The following GPC5 variants were observed in gnomAD, a reference collection of about 807,000 sequenced individuals.
GPC5 encodes the protein glypican 5, also known as glypican-5.
GPC5 carries 47 observed loss-of-function variants against 53.9 expected under a neutral mutation model. The ratio of observed to expected loss-of-function variants is 0.87; its 90% CI spans 0.69 to 1.11. The LOEUF (loss-of-function observed/expected upper bound fraction) is 1.11. Among genes scored for constraint, GPC5 ranks in the 50% most tolerant of loss-of-function variants. The pLI is 0.00. For synonymous variants in GPC5, 286 were observed against 263.3 expected, an observed-to-expected ratio of 1.09 and a Z score of -0.84; for missense variants, 748 against 713.1, an observed-to-expected ratio of 1.05 and a Z score of -0.56.
chr13:92,296,274 C>A (rs537175639), intron 7 of GPC5, among the ~76,000 whole-genome samples: 1 of 152,124 alleles, frequency 6.6e-6, no homozygotes, highest in South Asian at 2.1e-4. Context: ...TTCCAGAGAG[C>A]ATCAGCTGTG....
rs1199625795 is a variant in GPC5 at position 91,571,911 on chromosome 13, T to C, written c.326-121276T>C. On this transcript the variant is annotated intron_variant, in intron 2 of 7. Coordinates refer to ENST00000377067, the MANE Select transcript of GPC5 (RefSeq NM_004466.6). Reference sequence around the variant, plus strand: ...CGTGTGTATATACACATATTGTATATATACACATATTGTATATATACACAC... The same window carrying C: ...CGTGTGTATATACACATATTGTATACATACACATATTGTATATATACACAC... Among the ~76,000 whole-genome samples, 80 of 94,958 alleles carry C rather than the reference T, an allele frequency of 8.4e-4. 6 individuals carry two copies. Among genetic ancestry groups the C allele is most frequent in the South Asian group, 5.7e-3 (12 of 2,114 alleles). 62.3% of individuals were successfully genotyped at this position (94,958 alleles called of 152,430 possible).
intron 5 of GPC5, among the ~76,000 whole-genome samples, chr13:91,861,550 T>C (rs964141058): frequency 2.0e-5 from 3 of 152,014 alleles, no homozygotes; most frequent in African/African-American, 7.2e-5. Flanking sequence ...ATGCTTGTTG[T>C]GTATATGGTT....
In GPC5 at chr13:92,842,754, C is replaced by T. The variant is rs534502694; in HGVS notation, c.1562-23528C>T. On this transcript the variant is annotated intron_variant, in intron 7 of 7. Coordinates refer to ENST00000377067, the MANE Select transcript of GPC5 (RefSeq NM_004466.6). ...GCCAGGACTAAAACAATTAGAAAAA[C>T]AGAAATATATTCATCAGCAAAAACA... Among the ~76,000 whole-genome samples, 16 of 149,064 alleles carry T rather than the reference C, an allele frequency of 1.1e-4. No individual in the cohort carries two copies. In the South Asian group the frequency reaches 1.5e-3, roughly 14 times the overall value.
intron 7 of GPC5, among the ~76,000 whole-genome samples, chr13:92,834,928 A>T (rs1878173504): frequency 6.6e-6 from 1 of 152,138 alleles, no homozygotes; most frequent in Non-Finnish European, 1.5e-5. Context: ...TTAGATTTTT[A>T]AATCAACTGT....
intron 7 of GPC5, among the ~76,000 whole-genome samples, chr13:92,621,252 C>G (rs563199414): frequency 2.6e-5 from 4 of 152,228 alleles, no homozygotes; most frequent in Non-Finnish European, 5.9e-5. Flanking sequence ...CATGTGAGGT[C>G]CTGGGAAACC....
At chr13:91,633,591 T>G (rs2034214644) in intron 2 of GPC5, among the ~76,000 whole-genome samples, 1 of 152,052 alleles carries the variant, frequency 6.6e-6, no homozygotes, top group Non-Finnish European at 1.5e-5. Flanking sequence ...CAGGTTGGAG[T>G]TTCTGAAAAA....
intron 6 of GPC5, among the ~76,000 whole-genome samples, chr13:92,066,850 G>A (rs1288468802): frequency 1.3e-5 from 2 of 152,004 alleles, no homozygotes; most frequent in Non-Finnish European, 2.9e-5. Flanking sequence ...CTTGAGGTGA[G>A]AGGAGAGGAA....
At chr13:91,738,976 C>T (rs533752493) in intron 4 of GPC5, among the ~76,000 whole-genome samples, 1 of 151,372 alleles carries the variant, frequency 6.6e-6, no homozygotes, top group East Asian at 1.9e-4. Flanking sequence ...AATCTTTTTG[C>T]TTTAGCCTTA....
chr13:91,729,180 C>T (rs373587719), intron 4 of GPC5, among the ~76,000 whole-genome samples: 2 of 152,100 alleles, frequency 1.3e-5, no homozygotes, highest in South Asian at 4.1e-4. Context: ...ACATGAAATG[C>T]TAGAAATGGT....
intron 2 of GPC5, among the ~76,000 whole-genome samples, chr13:91,592,376 C>T (rs914259310): frequency 5.3e-5 from 8 of 152,124 alleles, no homozygotes; most frequent in African/African-American, 1.9e-4. Context: ...GGTCTGCTCC[C>T]GAGCCTTGTC....
At position 91,478,881 on chromosome 13, in the gene GPC5, T is replaced by TTATATATATATATATATATATACACA. The variant is rs71113743; in HGVS notation, c.325+29980_325+29981insACACATATATATATATATATATATAT. Among the ~76,000 whole-genome samples, 142 of 67,390 alleles carry TTATATATATATATATATATATACACA rather than the reference T, an allele frequency of 2.1e-3. 4 individuals are homozygous for TTATATATATATATATATATATACACA. The highest frequency in any genetic ancestry group is 9.1e-3 in the African/African-American group (138 of 15,150). 44.2% of individuals were successfully genotyped at this position (67,390 alleles called of 152,430 possible). ...ATATACACACACATATATATACACA[T>TTATATATATATATATATATATACACA]TATATATATATATATATATATGCAC... On this transcript the variant is annotated intron_variant, in intron 2 of 7. Transcript: ENST00000377067.
intron 2 of GPC5, among the ~76,000 whole-genome samples, chr13:91,561,211 T>C (rs1281353164): frequency 6.6e-6 from 1 of 152,148 alleles, no homozygotes; most frequent in Non-Finnish European, 1.5e-5. Context: ...TGATTATTTT[T>C]TTCAGTTGCT....
chr13:92,573,290 A>C (rs1262741902), intron 7 of GPC5, among the ~76,000 whole-genome samples: 1 of 152,212 alleles, frequency 6.6e-6, no homozygotes, highest in Non-Finnish European at 1.5e-5. Flanking sequence ...GTGAGCATTT[A>C]ATAGGTTCAT....
chr13:91,909,872 T>G (rs1262703817), intron 6 of GPC5, among the ~76,000 whole-genome samples: 1 of 152,130 alleles, frequency 6.6e-6, no homozygotes, highest in Non-Finnish European at 1.5e-5. Flanking sequence ...TTCAAAGCCA[T>G]AGCCTTTTCA....
chr13:92,094,248 G>A (rs1566432077), intron 6 of GPC5, among the ~76,000 whole-genome samples: 3 of 152,080 alleles, frequency 2.0e-5, no homozygotes, highest in Non-Finnish European at 4.4e-5. Context: ...CGGGCACGGT[G>A]GCTCACGCCT....
At chr13:92,499,898 T>A (rs1042689079) in intron 7 of GPC5, among the ~76,000 whole-genome samples, 1 of 152,156 alleles carries the variant, frequency 6.6e-6, no homozygotes, top group Non-Finnish European at 1.5e-5. Context: ...ACTTTATCCA[T>A]CTAGGATTTT....
At chr13:91,613,974 A>G (rs1159558333) in intron 2 of GPC5, among the ~76,000 whole-genome samples, 2 of 152,218 alleles carry the variant, frequency 1.3e-5, no homozygotes, top group South Asian at 4.1e-4. Context: ...ATGAAGTTGC[A>G]ATGTCAAAAA....
intron 7 of GPC5, among the ~76,000 whole-genome samples, chr13:92,467,554 C>T (rs1314015748): frequency 1.3e-5 from 2 of 152,078 alleles, no homozygotes; most frequent in Non-Finnish European, 2.9e-5. Flanking sequence ...TTCTTACAGA[C>T]ATACACACAA....
At chr13:92,669,929 GTTA>G (rs1189597161) in intron 7 of GPC5, among the ~76,000 whole-genome samples, 2 of 152,116 alleles carry the variant, frequency 1.3e-5, no homozygotes, top group African/African-American at 4.8e-5. Flanking sequence ...AAGGATCTTT[GTTA>G]TTTGCCGTCA....
Sources: allele counts gnomAD v4.1 joint callset (sites outside exome capture counted in the v4.1 genomes callset), GRCh38; gene constraint gnomAD v4.1.1; transcripts MANE v1.5; gene names NCBI Gene and HGNC (gene_info 2026-07-23, HGNC 2026-07-21).